The following GRXCR1 variants were observed in gnomAD, a reference collection of about 807,000 sequenced individuals.
GRXCR1 encodes glutaredoxin domain-containing cysteine-rich protein 1.
A neutral mutation model predicts 27.3 loss-of-function variants in GRXCR1; 27 were observed. The observed-to-expected ratio is 0.99, with a 90% confidence interval of 0.73 to 1.37. GRXCR1 has a LOEUF of 1.37. Among genes scored for constraint, GRXCR1 ranks in the 40% most tolerant of loss-of-function variants. The pLI, the probability that GRXCR1 is intolerant of heterozygous loss-of-function variation, is 0.00. For synonymous variants in GRXCR1, 122 were observed against 131.1 expected (o/e 0.93, Z 0.47); for missense variants, 379 against 354.4 (o/e 1.07, Z -0.56).
At chr4:42,925,287 A>G (rs1320125568) in intron 1 of GRXCR1, among the ~76,000 whole-genome samples, 1 of 152,050 alleles carries the variant, frequency 6.6e-6, no homozygotes, top group Non-Finnish European at 1.5e-5. Flanking sequence ...GTTGGGGGGC[A>G]TGAGTAAAGG....
chr4:42,986,988 T>G (rs1456930463), intron 2 of GRXCR1, among the ~76,000 whole-genome samples: 1 of 136,626 alleles, frequency 7.3e-6, no homozygotes, highest in Non-Finnish European at 1.6e-5. Context: ...GCTCAAAATT[T>G]AAGAGATATG....
Position 42,995,231 on chromosome 4 carries a change from T to C in GRXCR1, c.628-25123T>C, listed in dbSNP as rs536636075. Reference sequence around the variant, plus strand: ...TATAAAGATTTTTGTTCCTGTTGAATTATGTTACTAAGAAAAAAATCCTAT... The same window carrying C: ...TATAAAGATTTTTGTTCCTGTTGAACTATGTTACTAAGAAAAAAATCCTAT... On this transcript the variant is annotated intron_variant, in intron 2 of 3. Transcript: ENST00000399770. Among the ~76,000 whole-genome samples the C allele has an allele frequency of 7.9e-5, 12 of 152,306 alleles. No individual in the cohort carries two copies. In the South Asian group the frequency reaches 2.5e-3, roughly 32 times the overall value.
intron 2 of GRXCR1, among the ~76,000 whole-genome samples, chr4:43,018,277 G>C (rs1300270406): frequency 6.6e-6 from 1 of 152,194 alleles, no homozygotes; most frequent in Non-Finnish European, 1.5e-5. Context: ...GCTGTGTTGA[G>C]TAGCAGTGGC....
At chr4:42,978,074 T>C (rs1157549677) in intron 2 of GRXCR1, among the ~76,000 whole-genome samples, 1 of 152,116 alleles carries the variant, frequency 6.6e-6, no homozygotes, top group African/African-American at 2.4e-5. Context: ...CCCCATTGTT[T>C]ATTCTTGGCA....
chr4:42,979,645 G>C (rs1748603527), intron 2 of GRXCR1, among the ~76,000 whole-genome samples: 3 of 151,818 alleles, frequency 2.0e-5, no homozygotes, highest in African/African-American at 7.3e-5. Context: ...GTTTGGCTTT[G>C]ATATCAGCAT....
chr4:42,981,767 G>A (rs769589710), intron 2 of GRXCR1, among the ~76,000 whole-genome samples: 2 of 151,990 alleles, frequency 1.3e-5, no homozygotes, highest in African/African-American at 2.4e-5. Context: ...CTCTCTCCTT[G>A]TCTTATGGTT....
At chr4:43,027,916 C>A (rs1347138522) in intron 3 of GRXCR1, among the ~76,000 whole-genome samples, 1 of 152,136 alleles carries the variant, frequency 6.6e-6, no homozygotes. Context: ...TGTGACCAGC[C>A]TGACCAACAT....
intron 2 of GRXCR1, among the ~76,000 whole-genome samples, chr4:42,968,312 A>G (rs1415367303): frequency 1.3e-5 from 2 of 152,268 alleles, no homozygotes; most frequent in East Asian, 1.9e-4. Context: ...ATATTATAAA[A>G]TCAAAGGTTA....
chr4:42,980,950 T>C (rs1748648944), intron 2 of GRXCR1, among the ~76,000 whole-genome samples: 2 of 150,742 alleles, frequency 1.3e-5, no homozygotes, highest in Admixed American at 6.6e-5. Context: ...TTGGATCTTG[T>C]TTTTTTTGTG....
At position 43,030,434 on chromosome 4, in the gene GRXCR1, G is replaced by A. The variant is rs1300489799; in HGVS notation, c.767G>A (p.Ser256Asn). 6.2e-7 allele frequency: 1 copy of A among 1,613,934 alleles called. No homozygotes were observed. Among genetic ancestry groups the A allele is most frequent in the East Asian group, 2.2e-5 (1 of 44,876 alleles). ...CTTCCATGCTCCGTGTGCCATGGGA[G>A]CAAGATGTCCATGTTTCGAAACTGC... Reference protein sequence around the residue: ...GFLPCSVCHGSKMSMFRNCFT... With the variant: ...GFLPCSVCHGNKMSMFRNCFT... Residue 256 changes from serine to asparagine, a missense_variant, in exon 4 of 4, where the codon AGC (serine) becomes AAC (asparagine). Transcript: ENST00000399770.
chr4:42,966,838 C>CTTAT (rs1748248476), intron 2 of GRXCR1, among the ~76,000 whole-genome samples: 2 of 152,012 alleles, frequency 1.3e-5, no homozygotes, highest in Non-Finnish European at 2.9e-5. Context: ...ATCTGCATAT[C>CTTAT]TTATTTGGTT....
chr4:42,937,839 T>C (rs1747495648), intron 1 of GRXCR1, among the ~76,000 whole-genome samples: 1 of 152,006 alleles, frequency 6.6e-6, no homozygotes, highest in African/African-American at 2.4e-5. Context: ...GATATTTTGA[T>C]ATAGGCATAA....
intron 1 of GRXCR1, among the ~76,000 whole-genome samples, chr4:42,947,754 G>A (rs1164356742): frequency 1.3e-5 from 2 of 152,042 alleles, no homozygotes; most frequent in African/African-American, 4.8e-5. Flanking sequence ...TCTTCCTTCT[G>A]ATAATGATAT....
At chr4:42,942,713 C>T (rs1057068583) in intron 1 of GRXCR1, among the ~76,000 whole-genome samples, 1 of 152,098 alleles carries the variant, frequency 6.6e-6, no homozygotes, top group Non-Finnish European at 1.5e-5. Context: ...AGAGCTGATG[C>T]TGGTGATCTG....
At chr4:42,942,385 C>G (rs1458522453) in intron 1 of GRXCR1, among the ~76,000 whole-genome samples, 1 of 152,012 alleles carries the variant, frequency 6.6e-6, no homozygotes, top group East Asian at 1.9e-4. Flanking sequence ...TTACCTGAAC[C>G]TGACTCACTG....
intron 2 of GRXCR1, among the ~76,000 whole-genome samples, chr4:42,965,453 C>T (rs1469287220): frequency 6.6e-6 from 1 of 152,046 alleles, no homozygotes. Context: ...ATTTAAATTG[C>T]AATGCACGAT....
At chr4:42,987,341 G>T (rs1711804131) in intron 2 of GRXCR1, among the ~76,000 whole-genome samples, 1 of 148,270 alleles carries the variant, frequency 6.7e-6, no homozygotes, top group Non-Finnish European at 1.5e-5. Context: ...GAAGTGTGGT[G>T]GTGTGATCAT....
intron 1 of GRXCR1, among the ~76,000 whole-genome samples, chr4:42,924,114 C>A (rs915172967): frequency 6.6e-6 from 1 of 152,032 alleles, no homozygotes. Context: ...AAGGGAGAAG[C>A]TTTGATGCTT....
At chr4:43,009,207 C>T (rs534356739) in intron 2 of GRXCR1, among the ~76,000 whole-genome samples, 32 of 152,252 alleles carry the variant, frequency 2.1e-4, no homozygotes, top group African/African-American at 7.0e-4. Context: ...CTTGATTTGC[C>T]TCTCCAAACC....
Sources: gnomAD v4.1 joint callset for allele counts (sites outside exome capture counted in the v4.1 genomes callset) on GRCh38, gnomAD v4.1.1 for gene constraint, MANE v1.5 for transcripts, NCBI Gene and HGNC (gene_info 2026-07-23, HGNC 2026-07-21) for gene names.